Variants in NEO1 observed in about 807,000 individuals in gnomAD.
NEO1 encodes the protein neogenin 1.
A neutral mutation model predicts 159.7 loss-of-function variants in NEO1; 63 were observed. That is an observed-to-expected ratio of 0.39 (90% CI 0.32 to 0.49). The LOEUF (loss-of-function observed/expected upper bound fraction) is 0.49, where lower values mean the gene tolerates loss of function less well. NEO1 is among the 20% of genes least tolerant of loss of function. NEO1 has a pLI of 0.85. For synonymous variants in NEO1, 633 were observed against 662.0 expected (o/e 0.96, Z 0.67); for missense variants, 1,615 against 1,831.0 (o/e 0.88, Z 2.15).
chr15:73,132,264 G>A (rs2031229873), intron 4 of NEO1, among the ~76,000 whole-genome samples: 2 of 151,900 alleles, frequency 1.3e-5, no homozygotes, highest in Non-Finnish European at 2.9e-5. Flanking sequence ...CTTTCTTTTT[G>A]TCCCTATTGT....
intron 5 of NEO1, among the ~76,000 whole-genome samples, chr15:73,139,893 C>G (rs183461213): frequency 6.6e-6 from 1 of 152,306 alleles, no homozygotes; most frequent in East Asian, 1.9e-4. Context: ...TATTTACTGT[C>G]TGGCTCTTTA....
chr15:73,237,660 A>T (rs2039255193), intron 8 of NEO1, among the ~76,000 whole-genome samples: 1 of 152,222 alleles, frequency 6.6e-6, no homozygotes, highest in Non-Finnish European at 1.5e-5. Context: ...ACACCAACAG[A>T]TGGGAGTTAC....
chr15:73,171,333 TAGG>T (rs2151933596), intron 5 of NEO1, among the ~76,000 whole-genome samples: 1 of 152,108 alleles, frequency 6.6e-6, no homozygotes, highest in Non-Finnish European at 1.5e-5. Context: ...GAGGCTAAGG[TAGG>T]AGGATCGCTT....
Position 73,161,712 on chromosome 15 carries a change from A to G in NEO1, c.1016-14691A>G, listed in dbSNP as rs758226017. On this transcript the variant is annotated intron_variant, in intron 5 of 28. Transcript: ENST00000261908. ...TACATTATAAAAAGGACAACTGTAT[A>G]TCAAATGTTACATAAGTGAAATAAG... 10 of 189,174 alleles carry G rather than the reference A, an allele frequency of 5.3e-5. 1 individual carries two copies. Among genetic ancestry groups the G allele is most frequent in the Non-Finnish European group, 8.7e-5 (8 of 91,562 alleles). The allele number at this position is 189,174 out of a possible 1,614,324, so 11.7% of individuals were successfully genotyped here.
intron 1 of NEO1, among the ~76,000 whole-genome samples, chr15:73,069,739 A>G (rs1339826731): frequency 6.6e-6 from 1 of 152,122 alleles, no homozygotes; most frequent in Non-Finnish European, 1.5e-5. Context: ...ATATTTAGAA[A>G]GTAGGATAGT....
At chr15:73,241,813 C>G (rs980510013) in intron 8 of NEO1, among the ~76,000 whole-genome samples, 1 of 152,154 alleles carries the variant, frequency 6.6e-6, no homozygotes, top group African/African-American at 2.4e-5. Context: ...CCAATAGTGT[C>G]AGATCACCTA....
intron 7 of NEO1, among the ~76,000 whole-genome samples, chr15:73,189,152 G>T: frequency 6.6e-6 from 1 of 152,080 alleles, no homozygotes; most frequent in East Asian, 1.9e-4. Flanking sequence ...CTTACCCATT[G>T]AATTTTATAT....
intron 5 of NEO1, among the ~76,000 whole-genome samples, chr15:73,155,744 A>G (rs182090180): frequency 2.8e-4 from 42 of 152,290 alleles, no homozygotes; most frequent in Non-Finnish European, 3.4e-4. Flanking sequence ...AGGCTTGTCT[A>G]TTGTTGAAGC....
intron 5 of NEO1, among the ~76,000 whole-genome samples, chr15:73,159,907 G>A (rs1367798390): frequency 2.6e-5 from 4 of 152,046 alleles, no homozygotes; most frequent in Admixed American, 1.3e-4. Flanking sequence ...AAGACTGCCC[G>A]TTTCTCATAC....
At chr15:73,216,324 G>A (rs1445354035) in intron 7 of NEO1, among the ~76,000 whole-genome samples, 1 of 152,072 alleles carries the variant, frequency 6.6e-6, no homozygotes, top group Admixed American at 6.6e-5. Context: ...TCTTAATCCA[G>A]TCTATCATTG....
intron 15 of NEO1, among the ~76,000 whole-genome samples, chr15:73,260,842 T>G (rs1459357270): frequency 6.6e-6 from 1 of 152,182 alleles, no homozygotes; most frequent in Non-Finnish European, 1.5e-5. Context: ...GCTATAAAAT[T>G]GTTATTTTTT....
intron 7 of NEO1, among the ~76,000 whole-genome samples, chr15:73,186,365 TA>T (rs1197835288): frequency 6.6e-6 from 1 of 151,872 alleles, no homozygotes; most frequent in Non-Finnish European, 1.5e-5. Flanking sequence ...ACCAAAACTA[TA>T]CCCAGCAAAA....
At chr15:73,276,887 C>T (rs554199386) in intron 21 of NEO1, among the ~76,000 whole-genome samples, 5 of 152,222 alleles carry the variant, frequency 3.3e-5, no homozygotes, top group African/African-American at 1.2e-4. Flanking sequence ...ATGCTCTCTG[C>T]CTCTTTAAAG....
chr15:73,218,813 C>G (rs1044658599), intron 7 of NEO1, among the ~76,000 whole-genome samples: 1 of 151,844 alleles, frequency 6.6e-6, no homozygotes, highest in African/African-American at 2.4e-5. Flanking sequence ...TGATTCTTCT[C>G]TCTTTTTTTA....
intron 1 of NEO1, among the ~76,000 whole-genome samples, chr15:73,085,147 C>T (rs1462184812): frequency 6.6e-6 from 1 of 152,042 alleles, no homozygotes; most frequent in African/African-American, 2.4e-5. Context: ...TAGTCAAGCC[C>T]TCCCTCCACT....
intron 5 of NEO1, chr15:73,162,168 A>G (rs2151890708): frequency 4.5e-6 from 1 of 222,604 alleles, no homozygotes; most frequent in Non-Finnish European, 9.3e-6. Context: ...CACTTTCCAA[A>G]TGTACCTAAG....
chr15:73,092,597 T>C (rs1281377380), intron 1 of NEO1, among the ~76,000 whole-genome samples: 2 of 152,212 alleles, frequency 1.3e-5, no homozygotes, highest in Non-Finnish European at 2.9e-5. Context: ...TTCTTATATT[T>C]ATATTTCAAG....
At chr15:73,064,348 G>A (rs1595892774) in intron 1 of NEO1, among the ~76,000 whole-genome samples, 1 of 152,096 alleles carries the variant, frequency 6.6e-6, no homozygotes, top group African/African-American at 2.4e-5. Flanking sequence ...AGAATGGCTT[G>A]TTCTATTTAA....
intron 5 of NEO1, among the ~76,000 whole-genome samples, chr15:73,167,524 G>A (rs1305662372): frequency 2.0e-5 from 3 of 152,130 alleles, no homozygotes; most frequent in Admixed American, 6.5e-5. Flanking sequence ...TGAGGTCCAT[G>A]TTCAAAAGAA....
Sources: allele counts gnomAD v4.1 joint callset (sites outside exome capture counted in the v4.1 genomes callset), GRCh38; gene constraint gnomAD v4.1.1; transcripts MANE v1.5; gene names NCBI Gene and HGNC (gene_info 2026-07-23, HGNC 2026-07-21).